Variants in SH3BGRL observed in about 807,000 individuals in gnomAD.
SH3BGRL encodes SH3 domain binding glutamate rich protein like.
SH3BGRL carries 7 observed loss-of-function variants against 9.8 expected under a neutral mutation model. The ratio of observed to expected loss-of-function variants is 0.72; its 90% CI spans 0.41 to 1.35. The LOEUF is 1.35. Ranked by LOEUF, SH3BGRL falls within the 40% of genes most tolerant of loss-of-function variation. SH3BGRL has a pLI of 0.01. For synonymous variants in SH3BGRL, 36 were observed against 29.1 expected (o/e 1.24, Z -0.76); for missense variants, 73 against 84.4 (o/e 0.86, Z 0.53).
chrX:81,259,318 T>C (rs1433543382), intron 1 of SH3BGRL, among the ~76,000 whole-genome samples: 1 of 112,038 alleles, frequency 8.9e-6, no homozygotes, highest in East Asian at 2.8e-4. Flanking sequence ...ATAGAGAAGG[T>C]GGTGAGTTGG....
At chrX:81,275,164 G>T (rs188811561) in intron 1 of SH3BGRL, among the ~76,000 whole-genome samples, 1 of 111,170 alleles carries the variant, frequency 9.0e-6, no homozygotes, top group South Asian at 3.8e-4. Context: ...TATCTTAAAG[G>T]TCCTCTGCTC....
intron 1 of SH3BGRL, among the ~76,000 whole-genome samples, chrX:81,228,843 A>C: frequency 8.9e-6 from 1 of 112,232 alleles, no homozygotes; most frequent in Non-Finnish European, 1.9e-5. Context: ...TTCTCAACAC[A>C]GTGACATTAA....
intron 1 of SH3BGRL, among the ~76,000 whole-genome samples, chrX:81,237,948 C>T (rs2075653670): frequency 9.3e-6 from 1 of 107,856 alleles, no homozygotes; most frequent in African/African-American, 3.4e-5. Context: ...GCCCCTGTTT[C>T]AGGCCCTAGC....
chrX:81,272,218 A>T lies in SH3BGRL; in HGVS notation c.46-4766A>T, dbSNP rs971230421. On this transcript the variant is annotated intron_variant, in intron 1 of 3. Transcript: ENST00000373212. ...TCCAAAAAAAAAAAAAAAAAGGAAG[A>T]CAATAGTTTAGTAGGTCGTGGCAGT... is the stretch of plus-strand genomic sequence containing the variant. 4.8e-5 allele frequency among the ~76,000 whole-genome samples: 5 copies of T among 104,131 alleles called. No homozygotes were observed. The East Asian group carries it at 1.2e-3, about 25-fold the overall frequency. 90.4% of individuals were successfully genotyped at this position (104,131 alleles called of 115,157 possible).
intron 1 of SH3BGRL, among the ~76,000 whole-genome samples, chrX:81,260,502 C>T (rs1370599263): frequency 9.0e-6 from 1 of 111,162 alleles, no homozygotes; most frequent in African/African-American, 3.3e-5. Context: ...ACAATTATAT[C>T]TGCAATACAG....
At chrX:81,204,360 A>G (rs996537029) in intron 1 of SH3BGRL, among the ~76,000 whole-genome samples, 1 of 111,794 alleles carries the variant, frequency 8.9e-6, no homozygotes, top group Non-Finnish European at 1.9e-5. Context: ...TACTTCAGAA[A>G]GGCACTTTTC....
rs754066549 is a variant in SH3BGRL, at chrX:81,215,174, G to A, written c.45+12929G>A. Among the ~76,000 whole-genome samples, 468 of 109,183 alleles carry A rather than the reference G, an allele frequency of 4.3e-3. 2 individuals carry two copies. The highest frequency in any genetic ancestry group is 0.015 in the African/African-American group (441 of 30,016). The allele number at this position is 109,183 out of a possible 115,157, so 94.8% of individuals were successfully genotyped here. ...TAGTGGAGAGAGTTTATGGAGCTCC[G>A]GTTCCATAAACTCTCTCCCCTAGAA... On this transcript the variant is annotated intron_variant, in intron 1 of 3. Transcript: ENST00000373212.
intron 3 of SH3BGRL, among the ~76,000 whole-genome samples, chrX:81,288,707 A>G (rs1167115917): frequency 8.9e-6 from 1 of 111,777 alleles, no homozygotes; most frequent in Non-Finnish European, 1.9e-5. Flanking sequence ...AAAATTAAAT[A>G]CCTAGGAATT....
intron 1 of SH3BGRL, among the ~76,000 whole-genome samples, chrX:81,239,440 G>A (rs1469570040): frequency 8.9e-6 from 1 of 112,190 alleles, no homozygotes; most frequent in Non-Finnish European, 1.9e-5. Context: ...CAAGAAAGAA[G>A]TAGTGGTCTT....
chrX:81,272,488 C>CT (rs2075783864), intron 1 of SH3BGRL, among the ~76,000 whole-genome samples: 1 of 105,993 alleles, frequency 9.4e-6, no homozygotes, highest in Admixed American at 1.0e-4. Context: ...CATTACTTTT[C>CT]TTTTTTTTCT....
At chrX:81,287,114 T>C (rs768342638) in intron 3 of SH3BGRL, among the ~76,000 whole-genome samples, 2 of 111,716 alleles carry the variant, frequency 1.8e-5, no homozygotes, top group South Asian at 7.5e-4. Flanking sequence ...CTTCTTTCCC[T>C]ATATGTGTAA....
chrX:81,286,560 A>G (rs2075835073), intron 3 of SH3BGRL, among the ~76,000 whole-genome samples: 1 of 108,013 alleles, frequency 9.3e-6, no homozygotes, highest in Admixed American at 1.0e-4. Flanking sequence ...ATGGATGCCT[A>G]TAATGGGCCA....
At chrX:81,249,439 T>G (rs2075702101) in intron 1 of SH3BGRL, among the ~76,000 whole-genome samples, 1 of 112,458 alleles carries the variant, frequency 8.9e-6, no homozygotes, top group African/African-American at 3.2e-5. Flanking sequence ...ATACTTCTAT[T>G]ATACTAATTT....
intron 3 of SH3BGRL, among the ~76,000 whole-genome samples, chrX:81,295,151 G>A (rs1359957779): frequency 4.5e-5 from 5 of 111,801 alleles, no homozygotes; most frequent in Non-Finnish European, 7.5e-5. Flanking sequence ...AGACTTTGTG[G>A]GACTTTTGGG....
At chrX:81,215,056 T>G (rs1178987749) in intron 1 of SH3BGRL, among the ~76,000 whole-genome samples, 2 of 110,886 alleles carry the variant, frequency 1.8e-5, no homozygotes, top group Non-Finnish European at 3.8e-5. Flanking sequence ...TGACTTAAGA[T>G]CTGGTGAATA....
At chrX:81,268,535 GATTC>G (rs1308461725) in intron 1 of SH3BGRL, among the ~76,000 whole-genome samples, 2 of 111,826 alleles carry the variant, frequency 1.8e-5, no homozygotes, top group African/African-American at 6.5e-5. Flanking sequence ...TGTTTAGTGA[GATTC>G]TTACTCCTGA....
At chrX:81,235,873 T>G (rs1297661979) in intron 1 of SH3BGRL, among the ~76,000 whole-genome samples, 1 of 111,250 alleles carries the variant, frequency 9.0e-6, no homozygotes, top group Non-Finnish European at 1.9e-5. Flanking sequence ...ACCATTGGAG[T>G]GCTATCACTG....
At chrX:81,270,802 C>A (rs923144766) in intron 1 of SH3BGRL, among the ~76,000 whole-genome samples, 6 of 112,177 alleles carry the variant, frequency 5.3e-5, no homozygotes, top group Non-Finnish European at 1.1e-4. Context: ...AAGCTGTCAG[C>A]CGCCTTTTGT....
chrX:81,205,148 C>T, intron 1 of SH3BGRL, among the ~76,000 whole-genome samples: 1 of 111,202 alleles, frequency 9.0e-6, no homozygotes, highest in Non-Finnish European at 1.9e-5. Context: ...CCCTATTGTG[C>T]AATTGAACAG....
Sources: gnomAD v4.1 joint callset for allele counts (sites outside exome capture counted in the v4.1 genomes callset) on GRCh38, gnomAD v4.1.1 for gene constraint, MANE v1.5 for transcripts, NCBI Gene and HGNC (gene_info 2026-07-23, HGNC 2026-07-21) for gene names.